Variants in NEK11 observed in about 807,000 individuals in gnomAD.
NEK11 encodes serine/threonine-protein kinase Nek11.
A neutral mutation model predicts 80.7 loss-of-function variants in NEK11; 72 were observed. The observed-to-expected ratio is 0.89, with a 90% CI of 0.74 to 1.08. The LOEUF (loss-of-function observed/expected upper bound fraction) is 1.08. NEK11 is among the 50% of genes least tolerant of loss of function. The pLI is 0.00. For missense variants in NEK11, 764 were observed against 763.6 expected (o/e 1.00, Z -0.01); for synonymous variants, 251 against 260.7 (o/e 0.96, Z 0.36).
intron 3 of NEK11, among the ~76,000 whole-genome samples, chr3:131,048,450 A>G (rs1209107515): frequency 4.6e-5 from 7 of 152,230 alleles, no homozygotes; most frequent in African/African-American, 1.7e-4. Context: ...CTGGGGACCA[A>G]GAGTGCCCAC....
intron 14 of NEK11, among the ~76,000 whole-genome samples, chr3:131,211,234 C>T (rs2094602224): frequency 6.6e-6 from 1 of 152,140 alleles, no homozygotes; most frequent in African/African-American, 2.4e-5. Flanking sequence ...ATTAGTGAAG[C>T]TTAGTTTGGC....
chr3:131,302,246 A>AT (rs2096669425), intron 17 of NEK11, among the ~76,000 whole-genome samples: 1 of 151,208 alleles, frequency 6.6e-6, no homozygotes, highest in Admixed American at 6.6e-5. Flanking sequence ...GGGTCTTCTC[A>AT]TTTTTTTCTT....
chr3:131,225,872 A>C (rs951372030), intron 14 of NEK11, among the ~76,000 whole-genome samples: 1 of 152,234 alleles, frequency 6.6e-6, no homozygotes, highest in Non-Finnish European at 1.5e-5. Context: ...TGTTTCGACT[A>C]TAAAGATATT....
chr3:131,106,945 C>T (rs1202421388), intron 4 of NEK11, among the ~76,000 whole-genome samples: 1 of 152,102 alleles, frequency 6.6e-6, no homozygotes, highest in Non-Finnish European at 1.5e-5. Flanking sequence ...CAAGATTACC[C>T]ACCCAGATGG....
chr3:131,217,261 G>A (rs1420001577), intron 14 of NEK11, among the ~76,000 whole-genome samples: 1 of 152,204 alleles, frequency 6.6e-6, no homozygotes, highest in Non-Finnish European at 1.5e-5. Context: ...TTCCCAAACA[G>A]CAAAGTATCA....
At chr3:131,230,980 G>A (rs903007529) in intron 15 of NEK11, among the ~76,000 whole-genome samples, 1 of 152,060 alleles carries the variant, frequency 6.6e-6, no homozygotes, top group Non-Finnish European at 1.5e-5. Flanking sequence ...TCTCTTGCCT[G>A]CAGCCAGGTA....
chr3:131,088,003 A>T (rs1237019932), intron 4 of NEK11: 1 of 152,234 alleles, frequency 6.6e-6, no homozygotes, highest in Non-Finnish European at 1.5e-5. Flanking sequence ...GCATCCACAC[A>T]TTGGGGCTGT....
At chr3:131,323,878 G>A (rs1001737014) in intron 17 of NEK11, among the ~76,000 whole-genome samples, 1 of 152,178 alleles carries the variant, frequency 6.6e-6, no homozygotes, top group Non-Finnish European at 1.5e-5. Context: ...ACTTTTGAGA[G>A]TAGATTGGGC....
chr3:131,242,702 G>A (rs1228862280), intron 15 of NEK11, among the ~76,000 whole-genome samples: 1 of 152,158 alleles, frequency 6.6e-6, no homozygotes, highest in Non-Finnish European at 1.5e-5. Flanking sequence ...ACAGGCGTGA[G>A]CCACTGTGCC....
chr3:131,029,961 C>A, intron 3 of NEK11, 83 bp downstream of exon 3: 1 of 1,315,432 alleles, frequency 7.6e-7, no homozygotes, highest in Non-Finnish European at 1.1e-6. Flanking sequence ...TGGAGCAGGC[C>A]AGGTATGGTG....
chr3:131,168,625 G>A (rs2092453038), intron 12 of NEK11, among the ~76,000 whole-genome samples: 1 of 151,944 alleles, frequency 6.6e-6, no homozygotes, highest in Non-Finnish European at 1.5e-5. Flanking sequence ...CAAAGTGCTG[G>A]GATTACAGGC....
At chr3:131,307,962 G>A (rs1221006624) in intron 17 of NEK11, among the ~76,000 whole-genome samples, 1 of 152,172 alleles carries the variant, frequency 6.6e-6, no homozygotes, top group Non-Finnish European at 1.5e-5. Context: ...AAAATTAAAT[G>A]TTTGCTTCTC....
intron 17 of NEK11, among the ~76,000 whole-genome samples, chr3:131,280,835 T>C (rs1193548243): frequency 6.6e-6 from 1 of 152,230 alleles, no homozygotes; most frequent in Non-Finnish European, 1.5e-5. Context: ...AGCTTTGTTA[T>C]GTGGGACCAG....
At chr3:131,111,445 G>A (rs776529788) in intron 5 of NEK11, among the ~76,000 whole-genome samples, 1 of 152,060 alleles carries the variant, frequency 6.6e-6, no homozygotes, top group African/African-American at 2.4e-5. Context: ...ACAATTTTAT[G>A]TTTCGGTTCA....
At chr3:131,095,361 G>A (rs2077279683) in intron 4 of NEK11, among the ~76,000 whole-genome samples, 1 of 152,060 alleles carries the variant, frequency 6.6e-6, no homozygotes, top group South Asian at 2.1e-4. Flanking sequence ...TCCCCTCAAA[G>A]TTGAAAAATT....
chr3:131,054,815 A>G (rs1256011212), intron 3 of NEK11, among the ~76,000 whole-genome samples: 1 of 151,960 alleles, frequency 6.6e-6, no homozygotes, highest in Non-Finnish European at 1.5e-5. Flanking sequence ...CCCGGTAGAT[A>G]TGGAATTGCT....
At chr3:131,065,707 ACT>A (rs2071798582) in intron 3 of NEK11, among the ~76,000 whole-genome samples, 1 of 152,032 alleles carries the variant, frequency 6.6e-6, no homozygotes, top group Non-Finnish European at 1.5e-5. Context: ...GATTTTCCTG[ACT>A]CTAACTATAA....
chr3:131,202,026 G>A (rs910409870), intron 14 of NEK11, among the ~76,000 whole-genome samples: 3 of 151,888 alleles, frequency 2.0e-5, no homozygotes, highest in African/African-American at 4.8e-5. Flanking sequence ...GTAGAGACGG[G>A]GTTTCACCAT....
At chr3:131,033,837 C>T (rs2065234871) in intron 3 of NEK11, among the ~76,000 whole-genome samples, 1 of 152,132 alleles carries the variant, frequency 6.6e-6, no homozygotes, top group African/African-American at 2.4e-5. Flanking sequence ...AGTTTTCTTC[C>T]TGGCATAAAT....
Sources: gnomAD v4.1 joint callset for allele counts (sites outside exome capture counted in the v4.1 genomes callset) on GRCh38, gnomAD v4.1.1 for gene constraint, MANE v1.5 for transcripts, NCBI Gene and HGNC (gene_info 2026-07-23, HGNC 2026-07-21) for gene names.